The following SUCLA2 variants were observed in gnomAD, a reference collection of about 807,000 sequenced individuals.
SUCLA2 encodes succinate--CoA ligase [ADP-forming] subunit beta, mitochondrial.
A neutral mutation model predicts 54.8 loss-of-function variants in SUCLA2; 30 were observed. The ratio of observed to expected loss-of-function variants is 0.55; its 90% CI spans 0.41 to 0.74. SUCLA2 has a LOEUF of 0.74. Among genes scored for constraint, SUCLA2 ranks in the 30% least tolerant of loss-of-function variants. SUCLA2 has a pLI of 0.00. For synonymous variants in SUCLA2, 172 were observed against 188.9 expected (o/e 0.91, Z 0.74); for missense variants, 476 against 562.9 (o/e 0.85, Z 1.56).
intron 6 of SUCLA2, among the ~76,000 whole-genome samples, chr13:47,967,471 G>A (rs1205304348): frequency 1.3e-5 from 2 of 151,824 alleles, no homozygotes; most frequent in South Asian, 4.2e-4. Flanking sequence ...TGACCCAAAA[G>A]AAAAAAACAG....
At chr13:47,954,659 A>G (rs1949804826) in intron 6 of SUCLA2, 102 bp from the exon 7 acceptor site, 2 of 1,207,296 alleles carry the variant, frequency 1.7e-6, no homozygotes, top group African/African-American at 1.5e-5. Context: ...ACACATTTTA[A>G]TTTTGTTACT....
intron 6 of SUCLA2, among the ~76,000 whole-genome samples, chr13:47,963,537 C>A (rs1377281486): frequency 6.6e-6 from 1 of 152,008 alleles, no homozygotes; most frequent in Non-Finnish European, 1.5e-5. Flanking sequence ...CCCAGCTACT[C>A]GGGGGGCCGA....
intron 8 of SUCLA2, among the ~76,000 whole-genome samples, chr13:47,952,465 C>T (rs892556870): frequency 2.0e-5 from 3 of 152,088 alleles, no homozygotes; most frequent in African/African-American, 7.2e-5. Flanking sequence ...ACAATCCAAA[C>T]TTGACATTCA....
chr13:47,962,601 G>T (rs1949879625), intron 6 of SUCLA2, among the ~76,000 whole-genome samples: 1 of 152,160 alleles, frequency 6.6e-6, no homozygotes, highest in African/African-American at 2.4e-5. Flanking sequence ...ACCAGAGAGA[G>T]AAATATTATG....
intron 6 of SUCLA2, among the ~76,000 whole-genome samples, chr13:47,957,743 TTG>T (rs1949833198): frequency 6.6e-6 from 1 of 152,158 alleles, no homozygotes; most frequent in Non-Finnish European, 1.5e-5. Flanking sequence ...TAATTGCGTG[TTG>T]TGTCCGGGCA....
At chr13:47,959,476 G>A (rs117926529) in intron 6 of SUCLA2, among the ~76,000 whole-genome samples, 10,029 of 99,790 alleles carry the variant, frequency 0.1, 643 homozygotes, top group South Asian at 0.23. Flanking sequence ...GAGGAGGGGC[G>A]GAGGAGGAGG....
chr13:47,986,923 C>T (rs149130414), intron 4 of SUCLA2, among the ~76,000 whole-genome samples: 9 of 152,290 alleles, frequency 5.9e-5, no homozygotes, highest in African/African-American at 2.2e-4. Flanking sequence ...TGTTGTTCAA[C>T]AGAGATCTGT....
At chr13:47,963,271 A>G (rs1321096093) in intron 6 of SUCLA2, among the ~76,000 whole-genome samples, 1 of 152,184 alleles carries the variant, frequency 6.6e-6, no homozygotes, top group Admixed American at 6.5e-5. Context: ...ATAAACATAG[A>G]AAGTGGTAAA....
intron 4 of SUCLA2, among the ~76,000 whole-genome samples, chr13:47,978,123 T>C (rs967258472): frequency 2.0e-5 from 3 of 152,162 alleles, no homozygotes; most frequent in African/African-American, 7.2e-5. Flanking sequence ...TGGTATCCCA[T>C]CAAGCTACCA....
intron 8 of SUCLA2, among the ~76,000 whole-genome samples, chr13:47,949,878 C>CT (rs751577716): frequency 6.6e-6 from 1 of 152,178 alleles, no homozygotes; most frequent in Non-Finnish European, 1.5e-5. Flanking sequence ...ATTCCATTTA[C>CT]TTTCTCTTGT....
intron 5 of SUCLA2, among the ~76,000 whole-genome samples, chr13:47,971,065 T>TA (rs1024288122): frequency 6.6e-6 from 1 of 150,420 alleles, no homozygotes; most frequent in Non-Finnish European, 1.5e-5. Context: ...AAATCAATAA[T>TA]AAAAAAAAAG....
chr13:47,971,642 A>T (rs925582767), intron 5 of SUCLA2: 1 of 358,766 alleles, frequency 2.8e-6, no homozygotes, highest in Non-Finnish European at 5.0e-6. Flanking sequence ...TTGTGAACAC[A>T]TACAAATTGA....
At position 47,962,058 on chromosome 13, in the gene SUCLA2, T is replaced by C. The variant is rs1270025718; in HGVS notation, c.802+6537A>G. On this transcript the variant is annotated intron_variant, in intron 6 of 10. Transcript: ENST00000646932. ...CAATATGAAGCAGAGCAGGAGTTCA[T>C]TGCATGGACTGAAATAATGAAGACT... 7.9e-5 allele frequency among the ~76,000 whole-genome samples: 12 copies of C among 152,224 alleles called. No individual in the cohort carries two copies. The East Asian group carries it at 1.7e-3, about 22-fold the overall frequency.
intron 5 of SUCLA2, among the ~76,000 whole-genome samples, chr13:47,970,260 A>G (rs569788354): frequency 2.8e-4 from 42 of 152,214 alleles, no homozygotes; most frequent in Non-Finnish European, 5.4e-4. Context: ...GTTTAGGCTT[A>G]AACATTTGAA....
chr13:47,963,489 CA>C lies in SUCLA2; in HGVS notation c.802+5105del, dbSNP rs550373494. 2.4e-4 allele frequency among the ~76,000 whole-genome samples: 36 copies of C among 152,060 alleles called. No homozygotes were observed. The South Asian group carries it at 7.5e-3, about 32-fold the overall frequency. On this transcript the variant is annotated intron_variant, in intron 6 of 10. Coordinates refer to ENST00000646932, the MANE Select transcript of SUCLA2 (RefSeq NM_003850.3). ...AGAAACACCATCTCTACTAAAAATA[CA>C]AAAAAGTAGCCAGGCATGGTGGCAC... is the stretch of plus-strand genomic sequence containing the variant.
intron 4 of SUCLA2, among the ~76,000 whole-genome samples, chr13:47,975,551 G>A (rs1414553206): frequency 6.6e-6 from 1 of 151,562 alleles, no homozygotes; most frequent in Non-Finnish European, 1.5e-5. Context: ...TTTAGAGAAC[G>A]AAACAGTCCT....
intron 10 of SUCLA2, among the ~76,000 whole-genome samples, chr13:47,947,903 C>T (rs763068194): frequency 8.5e-5 from 13 of 152,080 alleles, no homozygotes; most frequent in Non-Finnish European, 1.9e-4. Context: ...AAAGGGGAAA[C>T]CAACAGATTA....
At chr13:47,948,049 T>C (rs1949747069) in intron 10 of SUCLA2, among the ~76,000 whole-genome samples, 1 of 152,166 alleles carries the variant, frequency 6.6e-6, no homozygotes, top group African/African-American at 2.4e-5. Flanking sequence ...ATAATACCAT[T>C]ACCCCACCTA....
intron 4 of SUCLA2, among the ~76,000 whole-genome samples, chr13:47,982,373 C>T (rs974107533): frequency 2.0e-5 from 3 of 151,948 alleles, no homozygotes; most frequent in African/African-American, 7.3e-5. Context: ...ATCTAAAATA[C>T]TCAAACTTTT....
Sources: allele counts gnomAD v4.1 joint callset (sites outside exome capture counted in the v4.1 genomes callset), GRCh38; gene constraint gnomAD v4.1.1; transcripts MANE v1.5; gene names NCBI Gene and HGNC (gene_info 2026-07-23, HGNC 2026-07-21).